The following CEP63 variants were observed in gnomAD, a reference collection of about 807,000 sequenced individuals.
CEP63 encodes the protein centrosomal protein of 63 kDa.
Under a neutral mutation model 89.1 loss-of-function variants are expected in CEP63, and 84 were observed. The observed-to-expected ratio is 0.94, with a 90% confidence interval of 0.79 to 1.13. The LOEUF (loss-of-function observed/expected upper bound fraction) is 1.13. CEP63 is among the 50% of genes most tolerant of loss of function. CEP63 has a pLI of 0.00. For missense variants in CEP63, 838 were observed against 813.3 expected, an observed-to-expected ratio of 1.03 and a Z score of -0.37; for synonymous variants, 267 against 272.5, an observed-to-expected ratio of 0.98 and a Z score of 0.20.
At chr3:134,636,045 T>G in the CEP63 span, among the ~76,000 whole-genome samples, 1 of 152,198 alleles carries the variant, frequency 6.6e-6, no homozygotes, top group Non-Finnish European at 1.5e-5. Context: ...AATATTTAGC[T>G]TTTTACAGTT....
chr3:134,534,193 C>G (rs942773795), intron 5 of CEP63, among the ~76,000 whole-genome samples: 7 of 152,194 alleles, frequency 4.6e-5, no homozygotes, highest in African/African-American at 1.7e-4. Context: ...TGACATTACT[C>G]TTATCATAAC....
Position 134,561,582 on chromosome 3 carries a change from A to T in CEP63, c.*47A>T. The T allele has an allele frequency of 6.4e-7, 1 of 1,574,618 alleles. No homozygotes were observed. The highest frequency in any genetic ancestry group is 2.4e-5 in the East Asian group (1 of 42,452). On this transcript the variant is annotated 3_prime_UTR_variant, in exon 15 of 15. Transcript: ENST00000675561. ...TTGGAAATAAAAATAAACACCAAAG[A>T]GTTACTGTCATCTGAAGTAGCAGCT...
the CEP63 span, among the ~76,000 whole-genome samples, chr3:134,649,139 C>T: frequency 5.9e-5 from 9 of 152,200 alleles, no homozygotes; most frequent in Non-Finnish European, 1.2e-4. Flanking sequence ...CAGATCTCTA[C>T]ACTGTCATTC....
At chr3:134,714,491 C>A in the CEP63 span, among the ~76,000 whole-genome samples, 9 of 152,154 alleles carry the variant, frequency 5.9e-5, no homozygotes, top group African/African-American at 2.2e-4. Flanking sequence ...CAGCACAGGC[C>A]CCGGCCCCAC....
chr3:134,752,188 C>T, the CEP63 span, among the ~76,000 whole-genome samples: 1 of 152,196 alleles, frequency 6.6e-6, no homozygotes, highest in South Asian at 2.1e-4. Flanking sequence ...CCAAGAAAGA[C>T]TACTTGAAGG....
At chr3:134,555,471 C>T (rs1236816040) in intron 12 of CEP63, among the ~76,000 whole-genome samples, 5 of 150,314 alleles carry the variant, frequency 3.3e-5, no homozygotes, top group Non-Finnish European at 7.5e-5. Flanking sequence ...CATTCTTATA[C>T]ACCAGCAACA....
chr3:134,612,773 G>GTGTGTGTT, the CEP63 span, among the ~76,000 whole-genome samples: 153 of 151,170 alleles, frequency 1.0e-3, 1 homozygote, highest in South Asian at 9.9e-3. Flanking sequence ...GTGTGTGTGT[G>GTGTGTGTT]TGTGTGTGTG....
the CEP63 span, among the ~76,000 whole-genome samples, chr3:134,728,332 C>T: frequency 2.6e-5 from 4 of 152,024 alleles, no homozygotes; most frequent in East Asian, 1.9e-4. Context: ...TCCTAACCAT[C>T]GAGCCAGTAA....
chr3:134,634,146 T>C, the CEP63 span, among the ~76,000 whole-genome samples: 1 of 152,194 alleles, frequency 6.6e-6, no homozygotes, highest in East Asian at 1.9e-4. Context: ...ACCATGTTTA[T>C]GGATTGGAAG....
downstream of CEP63, among the ~76,000 whole-genome samples, chr3:134,568,943 A>G (rs1957901329): frequency 6.6e-6 from 1 of 152,356 alleles, no homozygotes; most frequent in South Asian, 2.1e-4. Context: ...CCTCACAATC[A>G]TGGCGGAAGG....
chr3:134,728,919 A>G, the CEP63 span, among the ~76,000 whole-genome samples: 1 of 152,176 alleles, frequency 6.6e-6, no homozygotes. Context: ...GACTATATAA[A>G]AGAGAAGAAT....
At chr3:134,708,535 T>C in the CEP63 span, among the ~76,000 whole-genome samples, 2 of 152,256 alleles carry the variant, frequency 1.3e-5, no homozygotes, top group Non-Finnish European at 2.9e-5. Flanking sequence ...AAAGTTTATA[T>C]ACTTTTTATT....
At chr3:134,632,720 A>G in the CEP63 span, among the ~76,000 whole-genome samples, 1 of 151,938 alleles carries the variant, frequency 6.6e-6, no homozygotes, top group Non-Finnish European at 1.5e-5. Flanking sequence ...GACTAAATCC[A>G]AGGCAAGCAG....
downstream of CEP63, among the ~76,000 whole-genome samples, chr3:134,575,195 CTCTT>C (rs1187990222): frequency 2.0e-5 from 1 of 50,454 alleles, no homozygotes; most frequent in Non-Finnish European, 3.8e-5. Flanking sequence ...TCTCTCTTCC[CTCTT>C]TCCCTCCCTC....
At chr3:134,674,357 T>A in the CEP63 span, among the ~76,000 whole-genome samples, 3,435 of 152,314 alleles carry the variant, frequency 0.023, 130 homozygotes, top group African/African-American at 0.075. Context: ...TCATCTTAAC[T>A]GTTAGGAAAA....
At chr3:134,758,691 T>C in the CEP63 span, among the ~76,000 whole-genome samples, 3 of 152,200 alleles carry the variant, frequency 2.0e-5, no homozygotes, top group Non-Finnish European at 2.9e-5. Context: ...TGATCTAAGA[T>C]AGTCACTTCA....
intron 2 of CEP63, among the ~76,000 whole-genome samples, chr3:134,499,021 G>A (rs1318984828): frequency 6.6e-6 from 1 of 152,130 alleles, no homozygotes; most frequent in African/African-American, 2.4e-5. Flanking sequence ...GTCCTTGTCT[G>A]CTTTTGTCAT....
At chr3:134,773,948 G>C in the CEP63 span, among the ~76,000 whole-genome samples, 9 of 152,208 alleles carry the variant, frequency 5.9e-5, no homozygotes, top group African/African-American at 2.2e-4. Context: ...CCTGAGAACA[G>C]GGACCTTGGC....
the CEP63 span, among the ~76,000 whole-genome samples, chr3:134,683,822 T>C: frequency 1.3e-5 from 2 of 152,018 alleles, no homozygotes; most frequent in Non-Finnish European, 2.9e-5. Flanking sequence ...ATCCTCCCCC[T>C]TCCCACCTCT....
Sources: gnomAD v4.1 joint callset for allele counts (sites outside exome capture counted in the v4.1 genomes callset) on GRCh38, gnomAD v4.1.1 for gene constraint, MANE v1.5 for transcripts, NCBI Gene and HGNC (gene_info 2026-07-23, HGNC 2026-07-21) for gene names.